The following SLC38A2 variants were observed in gnomAD, a reference collection of about 807,000 sequenced individuals.
The protein encoded by SLC38A2 is solute carrier family 38 member 2.
Under a neutral mutation model 61.5 loss-of-function variants are expected in SLC38A2, and 11 were observed. That is an observed-to-expected ratio of 0.18 (90% confidence interval 0.11 to 0.30). The LOEUF (loss-of-function observed/expected upper bound fraction) is 0.30. Among genes scored for constraint, SLC38A2 ranks in the 10% least tolerant of loss-of-function variants. SLC38A2 has a pLI of 1.00. For missense variants in SLC38A2, 522 were observed against 600.4 expected (o/e 0.87, Z 1.36); for synonymous variants, 217 against 212.5 (o/e 1.02, Z -0.18).
chr12:46,367,417 A>T (rs1943150559), intron 4 of SLC38A2, 77 bp from the exon 5 acceptor site: 1 of 835,146 alleles, frequency 1.2e-6, no homozygotes, highest in Non-Finnish European at 2.0e-6. Flanking sequence ...TGGATGTTTA[A>T]ATAACATTAT....
At chr12:46,372,457 C>G (rs1032878117) in intron 1 of SLC38A2, 52 bp downstream of exon 1, 60 of 375,412 alleles carry the variant, frequency 1.6e-4, no homozygotes, top group African/African-American at 1.2e-3. Flanking sequence ...CCCTCCCCCA[C>G]TCTCGCCCGG....
chr12:46,364,573 T>C lies in SLC38A2; in HGVS notation c.706-17A>G. ...GCAAATGACCTAAAAATATATTATT[T>C]TGCATGTGTTAAACTAAGTGACATG... On this transcript the variant is annotated splice_polypyrimidine_tract_variant and intron_variant, in intron 9 of 15. Transcript: ENST00000256689. 3 of 1,600,576 alleles carry C rather than the reference T, an allele frequency of 1.9e-6. No individual in the cohort carries two copies. Among genetic ancestry groups the C allele is most frequent in the Non-Finnish European group, 2.6e-6 (3 of 1,175,992 alleles).
intron 13 of SLC38A2, 89 bp downstream of exon 13, chr12:46,362,932 T>C (rs991562345): frequency 1.3e-5 from 20 of 1,519,976 alleles, no homozygotes; most frequent in Admixed American, 3.6e-5. Flanking sequence ...TCTACTGGTG[T>C]TTCCCTTCTT....
intron 4 of SLC38A2, among the ~76,000 whole-genome samples, chr12:46,370,111 C>G (rs1943179328): frequency 2.0e-5 from 3 of 152,178 alleles, no homozygotes; most frequent in Non-Finnish European, 2.9e-5. Flanking sequence ...GCCACAGGTC[C>G]TTAAGAACTG....
intron 9 of SLC38A2, 40 bp downstream of exon 9, chr12:46,364,604 G>A (rs1194228646): frequency 1.0e-5 from 16 of 1,595,424 alleles, no homozygotes; most frequent in East Asian, 8.9e-5. Flanking sequence ...ACATGGCAGG[G>A]CTTATAAAAA....
At position 46,371,315 on chromosome 12, in the gene SLC38A2, G is replaced by A. The variant is rs1381794348; in HGVS notation, c.-22C>T. On this transcript the variant is annotated 5_prime_UTR_variant, in exon 2 of 16. Coordinates refer to ENST00000256689, the MANE Select transcript of SLC38A2 (RefSeq NM_018976.5). ...TCATGCTAAGCACTGGGAGGAATCGGGTGCAGCTAGTAGCGCTGGGCTCCT... is the reference window on the plus strand; with the variant it reads ...TCATGCTAAGCACTGGGAGGAATCGAGTGCAGCTAGTAGCGCTGGGCTCCT... 1.3e-6 allele frequency: 2 copies of A among 1,592,598 alleles called. No individual in the cohort carries two copies. The highest frequency in any genetic ancestry group is 1.7e-4 in the Middle Eastern group (1 of 5,902).
chr12:46,372,062 A>G (rs1943209334), intron 1 of SLC38A2, among the ~76,000 whole-genome samples: 1 of 152,194 alleles, frequency 6.6e-6, no homozygotes, highest in African/African-American at 2.4e-5. Context: ...CTGATGCAAT[A>G]TCGATCGTCG....
Position 46,366,949 on chromosome 12 carries a change from G to A in SLC38A2, c.482-4C>T. ...ATGAAGAGGTAGCTTGACATAGCTG[G>A]AGGAAAACAAAATTATACCATTACA... is the stretch of plus-strand genomic sequence containing the variant. On this transcript the variant is annotated splice_region_variant and splice_polypyrimidine_tract_variant and intron_variant, in intron 6 of 15. Coordinates refer to ENST00000256689, the MANE Select transcript of SLC38A2 (RefSeq NM_018976.5). 1 of 1,613,320 alleles carries A rather than the reference G, an allele frequency of 6.2e-7. No homozygotes were observed. The highest frequency in any genetic ancestry group is 8.5e-7 in the Non-Finnish European group (1 of 1,179,784).
At chr12:46,371,460 G>A (rs1034553298) in intron 1 of SLC38A2, 81 bp from the exon 2 acceptor site, 2 of 604,652 alleles carry the variant, frequency 3.3e-6, no homozygotes, top group Non-Finnish European at 5.8e-6. Flanking sequence ...GCGCAGCGCG[G>A]CTGATTCATC....
intron 4 of SLC38A2, among the ~76,000 whole-genome samples, chr12:46,369,026 T>C (rs1190544474): frequency 6.6e-6 from 1 of 152,230 alleles, no homozygotes; most frequent in Non-Finnish European, 1.5e-5. Context: ...ATTTAGCCAT[T>C]AAGCAAAATG....
At chr12:46,362,240 T>A (rs1403692007) in intron 15 of SLC38A2, 44 bp downstream of exon 15, 8 of 1,432,756 alleles carry the variant, frequency 5.6e-6, no homozygotes, top group Non-Finnish European at 7.6e-6. Flanking sequence ...TTGGGGAAAT[T>A]TATGATATTA....
At chr12:46,364,327 G>T in intron 10 of SLC38A2, 62 bp downstream of exon 10, 1 of 1,467,136 alleles carries the variant, frequency 6.8e-7, no homozygotes, top group Non-Finnish European at 9.1e-7. Flanking sequence ...CCCTGGGAGT[G>T]AATAGCTTCC....
intron 4 of SLC38A2, among the ~76,000 whole-genome samples, chr12:46,369,661 G>A (rs771436672): frequency 6.6e-6 from 1 of 152,086 alleles, no homozygotes; most frequent in Non-Finnish European, 1.5e-5. Flanking sequence ...AAACATCACT[G>A]AAAAATACAT....
At chr12:46,371,570 A>G in intron 1 of SLC38A2, 191 bp from the exon 2 acceptor site, 1 of 418,432 alleles carries the variant, frequency 2.4e-6, no homozygotes, top group South Asian at 2.9e-5. Context: ...GAGAACAAAG[A>G]TGATGCCACC....
intron 4 of SLC38A2, among the ~76,000 whole-genome samples, chr12:46,368,300 A>G (rs1010584171): frequency 6.6e-6 from 1 of 152,150 alleles, no homozygotes; most frequent in African/African-American, 2.4e-5. Context: ...ACAGTTAAAC[A>G]ATGTCTGTGC....
intron 15 of SLC38A2, among the ~76,000 whole-genome samples, chr12:46,361,483 T>A (rs573193587): frequency 6.6e-6 from 1 of 152,166 alleles, no homozygotes; most frequent in Non-Finnish European, 1.5e-5. Context: ...CTGCTTCATA[T>A]AGAACTGGAC....
rs2307063 is a variant in SLC38A2 at position 46,362,434 on chromosome 12, A to C, written c.1325-53T>G. 0.02 allele frequency: 31,362 copies of C among 1,596,380 alleles called. 2,746 individuals carry two copies. The East Asian group carries it at 0.26, about 13-fold the overall frequency. On this transcript the variant is annotated intron_variant, in intron 14 of 15. Transcript: ENST00000256689. ...GGATTCAATGAACCACTCGTCATTC[A>C]TTCTTTAAATCTTAAAATCCCTGAT...
chr12:46,362,877 T>A, intron 13 of SLC38A2, 144 bp downstream of exon 13: 3 of 1,082,714 alleles, frequency 2.8e-6, no homozygotes, highest in Non-Finnish European at 3.9e-6. Context: ...ATATACACTG[T>A]ATTTTTAAAA....
rs1222137715 is a variant in SLC38A2, at chr12:46,371,396, GGCGCGTCAGGACCGCA to G, written c.-86-33_-86-18del. ...CGAGTCGGCCTGCGAAAGTAGAGGC[GGCGCGTCAGGACCGCA>G]GCGCCAGCCCGCCGCGGTCACGTGA... On this transcript the variant is annotated intron_variant, in intron 1 of 15. Coordinates refer to ENST00000256689, the MANE Select transcript of SLC38A2 (RefSeq NM_018976.5). 4.4e-6 allele frequency: 4 copies of G among 906,440 alleles called. No homozygotes were observed. The African/African-American group carries it at 6.7e-5, about 15-fold the overall frequency. The allele number at this position is 906,440 out of a possible 1,614,324, so 56.1% of individuals were successfully genotyped here.
Sources: allele counts gnomAD v4.1 joint callset (sites outside exome capture counted in the v4.1 genomes callset), GRCh38; gene constraint gnomAD v4.1.1; transcripts MANE v1.5; gene names NCBI Gene and HGNC (gene_info 2026-07-23, HGNC 2026-07-21).